SORBS2: variants seen among roughly 807,000 people sequenced by gnomAD.
SORBS2 encodes sorbin and SH3 domain containing 2, also known as sorbin and SH3 domain-containing protein 2.
SORBS2 carries 46 observed loss-of-function variants against 97.7 expected under a neutral mutation model. The ratio of observed to expected loss-of-function variants is 0.47; its 90% CI spans 0.37 to 0.60. The LOEUF is 0.60. SORBS2 is among the 20% of genes least tolerant of loss of function. SORBS2 has a pLI of 0.00. For synonymous variants in SORBS2, 476 were observed against 473.4 expected (o/e 1.01, Z -0.07); for missense variants, 1,316 against 1,282.3 (o/e 1.03, Z -0.40).
intron 1 of SORBS2, among the ~76,000 whole-genome samples, chr4:185,870,031 AC>A (rs1292092533): frequency 6.6e-6 from 1 of 152,256 alleles, no homozygotes; most frequent in Non-Finnish European, 1.5e-5. Context: ...AGGGAGTAAG[AC>A]TTTCAACCAA....
At chr4:185,830,200 C>G (rs575066002) in intron 1 of SORBS2, among the ~76,000 whole-genome samples, 1 of 152,188 alleles carries the variant, frequency 6.6e-6, no homozygotes, top group South Asian at 2.1e-4. Context: ...AGATGTAGCA[C>G]ATTGAATGGT....
At chr4:185,769,128 A>C (rs1302306663) in intron 2 of SORBS2, among the ~76,000 whole-genome samples, 2 of 151,952 alleles carry the variant, frequency 1.3e-5, no homozygotes, top group Non-Finnish European at 2.9e-5. Context: ...AGTCAAAGGC[A>C]CATGGGAGAC....
intron 6 of SORBS2, among the ~76,000 whole-genome samples, chr4:185,625,892 T>C (rs548099394): frequency 2.4e-4 from 37 of 152,370 alleles, no homozygotes; most frequent in Admixed American, 1.1e-3. Flanking sequence ...CTATAGTTGA[T>C]AGGTGTAGCT....
chr4:185,815,968 T>G (rs1003322027), intron 1 of SORBS2, among the ~76,000 whole-genome samples: 1 of 152,264 alleles, frequency 6.6e-6, no homozygotes, highest in Admixed American at 6.5e-5. Flanking sequence ...GATTAGTTGA[T>G]GAAGACATAA....
chr4:185,729,843 A>G (rs766809019), intron 2 of SORBS2, among the ~76,000 whole-genome samples: 8 of 152,174 alleles, frequency 5.3e-5, no homozygotes, highest in Admixed American at 3.3e-4. Flanking sequence ...GTGTAGAAGA[A>G]CTTTTGGCTC....
At position 185,937,035 on chromosome 4, in the gene SORBS2, A is replaced by C. The variant is rs75980871; in HGVS notation, c.-338+19161T>G. On this transcript the variant is annotated intron_variant, in intron 1 of 20. Transcript: ENST00000284776. The stretch of plus-strand genomic sequence containing the variant: ...TCCAAATGTAATTGAAATTCCACTC[A>C]GAATTGTCTTCTTGAATGACAAGTC... 5.9e-3 allele frequency among the ~76,000 whole-genome samples: 897 copies of C among 152,396 alleles called. 9 individuals are homozygous for C. Among genetic ancestry groups the C allele is most frequent in the African/African-American group, 0.021 (859 of 41,602 alleles).
At position 185,741,393 on chromosome 4, in the gene SORBS2, C is replaced by CT. The variant is rs1210677956; in HGVS notation, c.-198+33833dup. 4.4e-3 allele frequency among the ~76,000 whole-genome samples: 520 copies of CT among 119,160 alleles called. 1 individual carries two copies. The highest frequency in any genetic ancestry group is 0.013 in the Middle Eastern group (3 of 232). 78.2% of individuals were successfully genotyped at this position (119,160 alleles called of 152,430 possible). A position where few individuals can be genotyped will look rare whatever the true frequency, so the allele number is the denominator to read the frequency against. The stretch of plus-strand genomic sequence containing the variant: ...CTCCTCACTTTTCTTTCTTTCTTTT[C>CT]TTTTTTTTTTGTTTTTTTTTTTTTT... On this transcript the variant is annotated intron_variant, in intron 2 of 20. Transcript: ENST00000284776.
chr4:185,784,689 C>T (rs1236658815), intron 1 of SORBS2, among the ~76,000 whole-genome samples: 1 of 152,184 alleles, frequency 6.6e-6, no homozygotes, highest in African/African-American at 2.4e-5. Flanking sequence ...ACCTTCCTTA[C>T]ATTAGACCGG....
At chr4:185,679,629 T>C (rs1376585585) in intron 2 of SORBS2, among the ~76,000 whole-genome samples, 3 of 152,232 alleles carry the variant, frequency 2.0e-5, no homozygotes, top group Non-Finnish European at 4.4e-5. Context: ...TTAAAGCACA[T>C]GGTCAACTTT....
intron 1 of SORBS2, among the ~76,000 whole-genome samples, chr4:185,929,610 A>C (rs993915565): frequency 4.0e-5 from 6 of 148,722 alleles, no homozygotes; most frequent in Non-Finnish European, 5.9e-5. Context: ...TCACTGACTC[A>C]CTGGAACCTC....
chr4:185,665,860 G>T, intron 4 of SORBS2: 2 of 1,174,168 alleles, frequency 1.7e-6, no homozygotes, highest in Non-Finnish European at 2.1e-6. Context: ...CTCCAGCATG[G>T]CTGTGGAGGA....
rs774639618 is a variant in SORBS2 at position 185,623,602 on chromosome 4, G to T, written c.1527C>A (p.Ser509=). The T allele has an allele frequency of 6.2e-7, 1 of 1,614,104 alleles. No homozygotes were observed. Among genetic ancestry groups the T allele is most frequent in the South Asian group, 1.1e-5 (1 of 91,068 alleles). The change falls in exon 7 of 15, where the codon TCC becomes TCA. Residue 509 remains serine, a synonymous_variant. Transcript: ENST00000418609. The surrounding 1 kb of genome is among the most constrained non-coding windows in gnomAD (Gnocchi z 6.4). ...CTAGGTGAATGTAGTCACTGTGGTC[G>T]GACACAACCCCGTCCTGGTCGCTGT...
intron 1 of SORBS2, among the ~76,000 whole-genome samples, chr4:185,853,609 G>A (rs539192995): frequency 1.3e-5 from 2 of 152,268 alleles, no homozygotes; most frequent in South Asian, 2.1e-4. Flanking sequence ...TTTAATGTGA[G>A]CTATAAGTGC....
chr4:185,926,555 G>T (rs11733388), intron 1 of SORBS2, among the ~76,000 whole-genome samples: 2,194 of 35,098 alleles, frequency 0.063, 111 homozygotes, highest in East Asian at 0.41. Flanking sequence ...TTGTGGTTTT[G>T]TTTTTTTTTT....
At chr4:185,602,198 C>T (rs1456472702) in intron 12 of SORBS2, among the ~76,000 whole-genome samples, 3 of 152,192 alleles carry the variant, frequency 2.0e-5, no homozygotes, top group South Asian at 2.1e-4. Flanking sequence ...TTGGTAGAGA[C>T]GGGGTTTCAC....
chr4:185,690,698 C>T, intron 2 of SORBS2, 87 bp from the exon 4 acceptor site: 1 of 535,616 alleles, frequency 1.9e-6, no homozygotes, highest in South Asian at 3.3e-5. Context: ...TTTTGATGTA[C>T]CTGTAAGTTA....
At chr4:185,801,407 A>G (rs920441837) in intron 1 of SORBS2, among the ~76,000 whole-genome samples, 6 of 152,154 alleles carry the variant, frequency 3.9e-5, no homozygotes, top group African/African-American at 1.4e-4. Flanking sequence ...ATTTTTTACA[A>G]TGTCTGTACC....
chr4:185,867,874 G>T (rs1216467795), intron 1 of SORBS2, among the ~76,000 whole-genome samples: 2 of 152,038 alleles, frequency 1.3e-5, no homozygotes, highest in Non-Finnish European at 2.9e-5. Flanking sequence ...CCGTCTCTAG[G>T]GGCATTACAC....
chr4:185,852,015 T>C (rs191459220), intron 1 of SORBS2, among the ~76,000 whole-genome samples: 1 of 152,368 alleles, frequency 6.6e-6, no homozygotes, highest in East Asian at 1.9e-4. Flanking sequence ...CAGGGACCCT[T>C]GCATAACATA....
Sources: allele counts gnomAD v4.1 joint callset (sites outside exome capture counted in the v4.1 genomes callset), GRCh38; gene constraint gnomAD v4.1.1; non-coding constraint Gnocchi (gnomAD v3.1); transcripts MANE v1.5; gene names NCBI Gene and HGNC (gene_info 2026-07-23, HGNC 2026-07-21).